The following CAMTA2 variants were observed in gnomAD, a reference collection of about 807,000 sequenced individuals.
CAMTA2 encodes calmodulin-binding transcription activator 2.
CAMTA2 carries 56 observed loss-of-function variants against 135.7 expected under a neutral mutation model. That is an observed-to-expected ratio of 0.41 (90% CI 0.33 to 0.52). The LOEUF is 0.52. Ranked by LOEUF, CAMTA2 falls within the 20% of genes least tolerant of loss-of-function variation. CAMTA2 has a pLI of 0.16. For missense variants in CAMTA2, 1,358 were observed against 1,553.4 expected (o/e 0.87, Z 2.11); for synonymous variants, 591 against 604.6 (o/e 0.98, Z 0.33).
intron 11 of CAMTA2, 91 bp from the exon 12 acceptor site, chr17:4,974,591 G>A (rs117624857): frequency 0.018 from 13,659 of 775,982 alleles, 184 homozygotes; most frequent in Non-Finnish European, 0.023. Context: ...CTGGGGATGA[G>A]GACACAGAAC....
At position 4,978,531 on chromosome 17, in the gene CAMTA2, G is replaced by C. The variant is rs749990547; in HGVS notation, c.1738C>G (p.Pro580Ala). ...GGACAGTAGCAGCGTAAGACACCAG[G>C]CTGGACAAGTGAGGCTGGCACTGCG... ...HIAVPASLVQ[P>A]GVLRCYCPAH... Residue 580 changes from proline (P) to alanine (A), a missense_variant, in exon 10 of 23, where the codon CCT becomes GCT. Physicochemically the swap from Pro to Ala is conservative, Grantham distance 27 (BLOSUM62 -1). This residue lies in a region of CAMTA2 where 1,077 missense variants were observed against 1,127.5 expected (regional missense o/e 0.96). Transcript: ENST00000348066. 5.6e-6 allele frequency: 9 copies of C among 1,614,078 alleles called. No individual in the cohort carries two copies. The South Asian group carries it at 9.9e-5, about 18-fold the overall frequency.
At chr17:4,977,231 C>T (rs770789021) in intron 10 of CAMTA2, 39 bp from the exon 11 acceptor site, 1 of 1,601,864 alleles carries the variant, frequency 6.2e-7, no homozygotes, top group African/African-American at 1.3e-5. Flanking sequence ...CTCTCTTTCC[C>T]TGGCTCCTTC....
chr17:4,974,330 G>T, intron 12 of CAMTA2, 55 bp downstream of exon 12: 2 of 1,123,034 alleles, frequency 1.8e-6, no homozygotes, highest in African/African-American at 1.5e-5. Flanking sequence ...GTTTTCTTTA[G>T]CTGTGTCCTC....
intron 9 of CAMTA2, 66 bp from the exon 10 acceptor site, chr17:4,978,696 T>G: frequency 1.9e-6 from 3 of 1,566,424 alleles, no homozygotes; most frequent in Non-Finnish European, 8.7e-7. Flanking sequence ...CATTCATTTA[T>G]TCAGACCCTT....
rs776202769 is a variant in CAMTA2, at chr17:4,969,690, C to T, written c.3201G>A (p.Leu1067=). 1 of 1,613,942 alleles carries T rather than the reference C, an allele frequency of 6.2e-7. No individual in the cohort carries two copies. Among genetic ancestry groups the T allele is most frequent in the Non-Finnish European group, 8.5e-7 (1 of 1,180,032 alleles). ...TAFRKYKGRR[L]KEQQEVAAAV... The stretch of plus-strand genomic sequence containing the variant: ...CTGCTGCTACCTCCTGCTGCTCCTT[C>T]AGCCGCCGGCCCTGAAGGGAGAGAA... The change falls in exon 19 of 23, where the codon CTG becomes CTA. Residue 1067 remains leucine (L), a synonymous_variant. Coordinates refer to ENST00000348066, the MANE Select transcript of CAMTA2 (RefSeq NM_015099.4). This position sits in a 1 kb window ranked among gnomAD's most constrained non-coding sequence, Gnocchi z 5.6.
Position 4,980,334 on chromosome 17 carries a change from C to A in CAMTA2, c.988G>T (p.Gly330Ter). Residue 330 changes from glycine to a stop codon, truncating the protein, a stop_gained, in exon 9 of 23, where the codon GGA becomes TGA. Transcript: ENST00000348066. LOFTEE classifies it high-confidence loss of function. The surrounding 1 kb of genome is among the most constrained non-coding windows in gnomAD (Gnocchi z 5.3). The part of the protein sequence containing the change: ...RGGTAILLLT[G>*]LEQRAGGLTP... ...AAGCCTCCAGCCCGCTGCTCCAGTC[C>A]TGTCAGGAGGAGGATAGCAGTGCCT... is the stretch of plus-strand genomic sequence containing the variant. The A allele has an allele frequency of 6.2e-7, 1 of 1,613,982 alleles. No individual in the cohort carries two copies. Among genetic ancestry groups the A allele is most frequent in the Non-Finnish European group, 8.5e-7 (1 of 1,179,896 alleles).
chr17:4,986,786 T>A (rs1973356678), intron 1 of CAMTA2: 1 of 593,472 alleles, frequency 1.7e-6, no homozygotes, highest in African/African-American at 1.9e-5. Context: ...ATCTGATAAC[T>A]GAACCTAACC....
At chr17:4,978,314 C>T (rs1368238834) in intron 10 of CAMTA2, among the ~76,000 whole-genome samples, 190 bp downstream of exon 10, 5 of 152,230 alleles carry the variant, frequency 3.3e-5, no homozygotes, top group Non-Finnish European at 5.9e-5. Flanking sequence ...GAACCTCGAT[C>T]TTCTGACACC....
intron 1 of CAMTA2, chr17:4,987,140 C>T (rs1033973673): frequency 1.5e-6 from 2 of 1,359,414 alleles, no homozygotes; most frequent in East Asian, 3.1e-5. Context: ...GGCGCAGGTG[C>T]GCAGTCCTGG....
At chr17:4,974,573 C>A (rs1426826956) in intron 11 of CAMTA2, 73 bp from the exon 12 acceptor site, 8 of 875,950 alleles carry the variant, frequency 9.1e-6, no homozygotes, top group Non-Finnish European at 1.6e-5. Context: ...GTAGACCTGT[C>A]CCAAGATCTG....
At chr17:4,974,563 G>C (rs1482302327) in intron 11 of CAMTA2, 63 bp from the exon 12 acceptor site, 2 of 954,442 alleles carry the variant, frequency 2.1e-6, no homozygotes, top group East Asian at 4.8e-5. Context: ...AACACCAAAA[G>C]TAGACCTGTC....
At chr17:4,982,442 T>C (rs890340337) in intron 5 of CAMTA2, among the ~76,000 whole-genome samples, 2 of 152,020 alleles carry the variant, frequency 1.3e-5, no homozygotes, top group African/African-American at 4.8e-5. Context: ...GGGCAATGAT[T>C]TGGGGAAGAG....
chr17:4,981,763 G>A lies in CAMTA2; in HGVS notation c.480C>T (p.Ser160=). 6.2e-7 allele frequency: 1 copy of A among 1,613,632 alleles called. No individual in the cohort carries two copies. Among genetic ancestry groups the A allele is most frequent in the Non-Finnish European group, 8.5e-7 (1 of 1,179,750 alleles). Reference sequence around the variant, plus strand: ...CGCTGCTGATGGAACAAAAGATGGGGCTGCAGCCCTTTCCACAGTCCTCCA... The same window carrying A: ...CGCTGCTGATGGAACAAAAGATGGGACTGCAGCCCTTTCCACAGTCCTCCA... ...PALEDCGKGC[S]PIFCSISSDR... The change falls in exon 7 of 23, where the codon AGC becomes AGT. Residue 160 remains serine, a synonymous_variant. Transcript: ENST00000348066.
chr17:4,973,856 A>G, intron 12 of CAMTA2, 87 bp from the exon 13 acceptor site: 8 of 1,274,312 alleles, frequency 6.3e-6, no homozygotes, highest in Non-Finnish European at 8.6e-6. Flanking sequence ...CTGTCCTCCC[A>G]GCTTCTAATT....
Position 4,987,598 on chromosome 17 carries a change from G to C in CAMTA2, c.-70C>G. ...CGAGAGGCCCTGGCTCTTACCTCCCGGGGTCCCGCGGGTGACGGCGGCAGC... is the reference window on the plus strand; with the variant it reads ...CGAGAGGCCCTGGCTCTTACCTCCCCGGGTCCCGCGGGTGACGGCGGCAGC... On this transcript the variant is annotated 5_prime_UTR_variant, in exon 1 of 23. Coordinates refer to ENST00000348066, the MANE Select transcript of CAMTA2 (RefSeq NM_015099.4). The C allele has an allele frequency of 6.5e-7, 1 of 1,526,920 alleles. No individual in the cohort carries two copies. The highest frequency in any genetic ancestry group is 8.8e-7 in the Non-Finnish European group (1 of 1,142,644). 94.6% of individuals were successfully genotyped at this position (1,526,920 alleles called of 1,614,324 possible).
In CAMTA2 at chr17:4,969,839, C is replaced by T. The variant is rs1248649381; in HGVS notation, c.3189+63G>A. 5.6e-6 allele frequency: 9 copies of T among 1,595,804 alleles called. No individual in the cohort carries two copies. The highest frequency in any genetic ancestry group is 7.7e-6 in the Non-Finnish European group (9 of 1,165,512). ...CACGACTACTCATCCTCCAAAAGCC[C>T]TGGGAGCCCAGTCTCCCCTGACTGG... is the stretch of plus-strand genomic sequence containing the variant. On this transcript the variant is annotated intron_variant, in intron 18 of 22. Transcript: ENST00000348066. The surrounding 1 kb of genome is among the most constrained non-coding windows in gnomAD (Gnocchi z 5.6).
Position 4,969,196 on chromosome 17 carries a change from G to C in CAMTA2, c.3424C>G (p.Pro1142Ala). 1 of 1,611,810 alleles carries C rather than the reference G, an allele frequency of 6.2e-7. No individual in the cohort carries two copies. The highest frequency in any genetic ancestry group is 2.2e-5 in the East Asian group (1 of 44,870). The change falls in exon 21 of 23, where the codon CCC becomes GCC. Residue 1142 changes from proline (P) to alanine (A), a missense_variant. Coordinates refer to ENST00000348066, the MANE Select transcript of CAMTA2 (RefSeq NM_015099.4). This position sits in a 1 kb window ranked among gnomAD's most constrained non-coding sequence, Gnocchi z 5.6. Reference sequence around the variant, plus strand: ...GCCGAAGTCCGGTGGGGAGGGCCGGGCCTGCGGCGGTAGGAGCGGTAGTGC... The same window carrying C: ...GCCGAAGTCCGGTGGGGAGGGCCGGCCCTGCGGCGGTAGGAGCGGTAGTGC... ...QQHYRSYRRR[P>A]GPPHRTSATL... is the part of the protein sequence containing the mutation.
At chr17:4,973,554 G>GCCCTCA in intron 13 of CAMTA2, 31 bp downstream of exon 13, 2 of 1,588,488 alleles carry the variant, frequency 1.3e-6, no homozygotes. Context: ...CCCAGAGGCT[G>GCCCTCA]CCCAGCCCTC....
Position 4,973,655 on chromosome 17 carries a change from CCCGGAA to C in CAMTA2, c.2125_2130del (p.Phe709_Arg710del). The C allele has an allele frequency of 1.2e-6, 2 of 1,614,224 alleles. No individual in the cohort carries two copies. The highest frequency in any genetic ancestry group is 1.1e-5 in the South Asian group (1 of 91,088). On this transcript the variant is annotated inframe_deletion, in exon 13 of 23. Transcript: ENST00000348066. Reference sequence around the variant, plus strand: ...GCAGCCAGGTGCAGAAGGCTCATGCCCCGGAAGGGGCTTCCATGGGCCAGACGTTCA... The same window carrying C: ...GCAGCCAGGTGCAGAAGGCTCATGCCGGGGCTTCCATGGGCCAGACGTTCA...
Sources: allele counts gnomAD v4.1 joint callset (sites outside exome capture counted in the v4.1 genomes callset), GRCh38; gene constraint gnomAD v4.1.1; regional missense constraint gnomAD v4.1.1; non-coding constraint Gnocchi (gnomAD v3.1); transcripts MANE v1.5; gene names NCBI Gene and HGNC (gene_info 2026-07-23, HGNC 2026-07-21).